The following MBNL1 variants were observed in gnomAD, a reference collection of about 807,000 sequenced individuals.
MBNL1 encodes muscleblind-like protein 1.
Under a neutral mutation model 42.2 loss-of-function variants are expected in MBNL1, and 8 were observed. The ratio of observed to expected loss-of-function variants is 0.19; its 90% CI spans 0.11 to 0.34. The LOEUF (loss-of-function observed/expected upper bound fraction) is 0.34. MBNL1 is among the 10% of genes least tolerant of loss of function. The probability of loss-of-function intolerance (pLI) is 1.00; values close to 1 mark genes in which losing one functional copy is unlikely to be tolerated. For synonymous variants in MBNL1, 169 were observed against 173.9 expected, an observed-to-expected ratio of 0.97 and a Z score of 0.22; for missense variants, 309 against 495.3, an observed-to-expected ratio of 0.62 and a Z score of 3.57.
intron 2 of MBNL1, among the ~76,000 whole-genome samples, chr3:152,385,120 G>A (rs941243503): frequency 4.6e-5 from 7 of 151,984 alleles, no homozygotes; most frequent in Non-Finnish European, 1.0e-4. Flanking sequence ...GATGTGATTT[G>A]CATCTTTGCT....
chr3:152,331,005 T>A (rs2084024382), intron 2 of MBNL1, among the ~76,000 whole-genome samples: 1 of 152,136 alleles, frequency 6.6e-6, no homozygotes, highest in Non-Finnish European at 1.5e-5. Context: ...TTACACATAA[T>A]TTGCTGAGGT....
intron 2 of MBNL1, among the ~76,000 whole-genome samples, chr3:152,358,876 C>T (rs1434227869): frequency 2.6e-5 from 4 of 152,158 alleles, no homozygotes; most frequent in South Asian, 2.1e-4. Flanking sequence ...TCCCAAAGTG[C>T]GGGAATTACA....
At position 152,246,940 on chromosome 3, in the gene MBNL1, G is replaced by A. The variant is rs569606564; in HGVS notation, n.333+2500G>A. Among the ~76,000 whole-genome samples the A allele has an allele frequency of 9.9e-5, 15 of 151,636 alleles. No homozygotes were observed. In the South Asian group the frequency reaches 2.7e-3, roughly 28 times the overall value. On this transcript the variant is annotated intron_variant and non_coding_transcript_variant, in intron 2 of 2. Transcript: ENST00000477171. ...AGAAAAGAATGATCTGCTTATAGAG[G>A]GCTCTATCCCACTCCAACAAATAAA... is the stretch of plus-strand genomic sequence containing the variant.
chr3:152,264,211 T>C (rs2036805380), upstream of MBNL1: 1 of 152,222 alleles, frequency 6.6e-6, no homozygotes, highest in Admixed American at 6.5e-5. Flanking sequence ...AGGGAAGTGA[T>C]TTATCTGTGC....
intron 2 of MBNL1, 72 bp from the exon 3 acceptor site, chr3:152,414,869 C>T (rs891912344): frequency 6.8e-7 from 1 of 1,480,378 alleles, no homozygotes; most frequent in Non-Finnish European, 9.4e-7. Flanking sequence ...GGGTGGTTTG[C>T]ATTATATTTT....
At chr3:152,348,966 A>G (rs1223558568) in intron 2 of MBNL1, among the ~76,000 whole-genome samples, 2 of 152,052 alleles carry the variant, frequency 1.3e-5, no homozygotes, top group African/African-American at 4.8e-5. Flanking sequence ...GCTTGTTGGA[A>G]GTCTTAGGAC....
chr3:152,457,991 A>G (rs1737184864), intron 8 of MBNL1: 4 of 635,408 alleles, frequency 6.3e-6, no homozygotes, highest in South Asian at 3.7e-5. Context: ...ATATACATAC[A>G]TATGTATATG....
At chr3:152,379,729 T>A (rs2097097749) in intron 2 of MBNL1, among the ~76,000 whole-genome samples, 1 of 152,128 alleles carries the variant, frequency 6.6e-6, no homozygotes, top group South Asian at 2.1e-4. Flanking sequence ...TAGGGTTTTG[T>A]TTTGTTTTTG....
chr3:152,329,437 A>C (rs2082600718), intron 2 of MBNL1, among the ~76,000 whole-genome samples: 1 of 151,740 alleles, frequency 6.6e-6, no homozygotes, highest in Non-Finnish European at 1.5e-5. Flanking sequence ...AACAACCCCA[A>C]GGAACATAGT....
intron 2 of MBNL1, among the ~76,000 whole-genome samples, chr3:152,379,014 C>CT (rs1432217663): frequency 6.6e-6 from 1 of 152,000 alleles, no homozygotes; most frequent in Non-Finnish European, 1.5e-5. Context: ...CCATGCCTGG[C>CT]CTGAAGTTTA....
chr3:152,404,711 T>TAC lies in MBNL1; in HGVS notation c.175-10222_175-10221dup, dbSNP rs145485043. Among the ~76,000 whole-genome samples, 389 of 150,912 alleles carry TAC rather than the reference T, an allele frequency of 2.6e-3. 1 individual carries two copies. The highest frequency in any genetic ancestry group is 9.1e-3 in the African/African-American group (376 of 41,364). The stretch of plus-strand genomic sequence containing the variant: ...GTTTACATATATATGTATGTATATA[T>TAC]ACACACACAAAGATATATAACTTTT... On this transcript the variant is annotated intron_variant, in intron 2 of 9. Coordinates refer to ENST00000324210, the MANE Select transcript of MBNL1 (RefSeq NM_021038.5).
At position 152,445,492 on chromosome 3, in the gene MBNL1, G is replaced by C; in HGVS notation, c.760G>C (p.Val254Leu). The C allele has an allele frequency of 6.2e-7, 1 of 1,605,318 alleles. No homozygotes were observed. The highest frequency in any genetic ancestry group is 8.5e-7 in the Non-Finnish European group (1 of 1,174,652). ...QAKIKAAQYQ[V>L]NQAAAAQAAA... ...CAAGATCAAGGCTGCCCAATACCAG[G>C]TCAACCAGGCTGCAGCTGCACAGGC... is the stretch of plus-strand genomic sequence containing the variant. Residue 254 changes from valine to leucine, a missense_variant, in exon 5 of 10, where the codon GTC becomes CTC. Coordinates refer to ENST00000324210, the MANE Select transcript of MBNL1 (RefSeq NM_021038.5).
At chr3:152,266,094 T>A (rs1449098029), upstream of MBNL1, 1 of 152,236 alleles carries the variant, frequency 6.6e-6, no homozygotes, top group Non-Finnish European at 1.5e-5. Flanking sequence ...TATAATGTTA[T>A]CCAGTGATAG....
intron 7 of MBNL1, among the ~76,000 whole-genome samples, chr3:152,455,954 TCTGA>T (rs1399211215): frequency 3.3e-5 from 5 of 152,232 alleles, no homozygotes; most frequent in Admixed American, 6.5e-5. Context: ...ATTTTGAATG[TCTGA>T]CTATGAACAC....
intron 2 of MBNL1, among the ~76,000 whole-genome samples, chr3:152,388,522 A>G (rs16864247): frequency 2.0e-5 from 3 of 152,176 alleles, no homozygotes; most frequent in African/African-American, 7.2e-5. Context: ...CTTTGCTCTC[A>G]ATTTCTATGC....
At chr3:152,310,936 T>C (rs1268324792) in intron 2 of MBNL1, among the ~76,000 whole-genome samples, 1 of 148,260 alleles carries the variant, frequency 6.7e-6, no homozygotes, top group Non-Finnish European at 1.5e-5. Flanking sequence ...TTGCTTGAAA[T>C]ATAATATATT....
chr3:152,448,134 GTTAAT>G (rs1714107702), intron 6 of MBNL1, among the ~76,000 whole-genome samples: 1 of 151,986 alleles, frequency 6.6e-6, no homozygotes, highest in Admixed American at 6.6e-5. Context: ...ATTCCATAGA[GTTAAT>G]TTAAATTATA....
intron 2 of MBNL1, among the ~76,000 whole-genome samples, chr3:152,395,015 C>T (rs536997884): frequency 6.6e-6 from 1 of 152,024 alleles, no homozygotes; most frequent in Admixed American, 6.6e-5. Flanking sequence ...TGCACCACCA[C>T]GCCAGGCTAA....
intron 1 of MBNL1, among the ~76,000 whole-genome samples, chr3:152,285,252 TA>T (rs1189251367): frequency 6.6e-6 from 1 of 152,224 alleles, no homozygotes; most frequent in Admixed American, 6.5e-5. Context: ...TTGTATATAT[TA>T]GTAGTCATTG....
Sources: gnomAD v4.1 joint callset for allele counts (sites outside exome capture counted in the v4.1 genomes callset) on GRCh38, gnomAD v4.1.1 for gene constraint, MANE v1.5 for transcripts, NCBI Gene and HGNC (gene_info 2026-07-23, HGNC 2026-07-21) for gene names.